Variants in ZNF596 observed in about 807,000 individuals in gnomAD.
ZNF596 encodes the protein zinc finger protein 596.
A neutral mutation model predicts 48.3 loss-of-function variants in ZNF596; 45 were observed. The observed-to-expected ratio is 0.93, with a 90% CI of 0.73 to 1.19. The LOEUF is 1.19. Ranked by LOEUF, ZNF596 falls within the 50% of genes most tolerant of loss-of-function variation. The pLI, the probability that ZNF596 is intolerant of heterozygous loss-of-function variation, is 0.00. For missense variants in ZNF596, 848 were observed against 599.7 expected, an observed-to-expected ratio of 1.41 and a Z score of -4.32; for synonymous variants, 270 against 202.0, an observed-to-expected ratio of 1.34 and a Z score of -2.85.
At chr8:244,511 T>C in intron 4 of ZNF596, 108 bp from the exon 5 acceptor site, 1 of 732,768 alleles carries the variant, frequency 1.4e-6, no homozygotes, top group South Asian at 1.6e-5. Context: ...TTAACATTCT[T>C]TCCCTGTCTG....
chr8:241,501 CTTA>C (rs1329388929), intron 2 of ZNF596, among the ~76,000 whole-genome samples: 1 of 152,136 alleles, frequency 6.6e-6, no homozygotes, highest in African/African-American at 2.4e-5. Flanking sequence ...AATTAAAATT[CTTA>C]TTACCCTTGT....
chr8:233,373 C>T (rs1796497012), intron 1 of ZNF596: 1 of 329,514 alleles, frequency 3.0e-6, no homozygotes, highest in Non-Finnish European at 6.2e-6. Context: ...GTGTCAGGTT[C>T]AGCTTATGAG....
chr8:246,133 A>G lies in ZNF596; in HGVS notation c.1286A>G (p.Asn429Ser), dbSNP rs771446971. The change falls in exon 6 of 6, where the codon AAT (asparagine) becomes AGT (serine). Residue 429 changes from asparagine (N) to serine (S), a missense_variant. Transcript: ENST00000398612. ...TGCCATCTATGCGGAAAAGCCTTCA[A>G]TCACTCTTCTGTCCTTAGACGACAT... ...YECHLCGKAF[N>S]HSSVLRRHER... 9 of 1,612,220 alleles carry G rather than the reference A, an allele frequency of 5.6e-6. No individual in the cohort carries two copies. Among genetic ancestry groups the G allele is most frequent in the Admixed American group, 3.3e-5 (2 of 59,930 alleles).
chr8:239,895 C>T (rs543619891), intron 1 of ZNF596, among the ~76,000 whole-genome samples: 60 of 152,298 alleles, frequency 3.9e-4, no homozygotes, highest in African/African-American at 1.4e-3. Context: ...GATCACCCCC[C>T]ATCCTAGAGC....
Position 232,692 on chromosome 8 carries a change from C to T in ZNF596, c.-75C>T. On this transcript the variant is annotated splice_region_variant and 5_prime_UTR_variant, in exon 1 of 6. Coordinates refer to ENST00000398612, the MANE Select transcript of ZNF596 (RefSeq NM_001042416.3). ...CCGCCCATCCTATCGCGCGCGGCCT[C>T]AGGTCCCGATTCGGCATGTGGCTTG... is the stretch of plus-strand genomic sequence containing the variant. 2 of 386,518 alleles carry T rather than the reference C, an allele frequency of 5.2e-6. No homozygotes were observed. Among genetic ancestry groups the T allele is most frequent in the East Asian group, 1.5e-4 (2 of 13,704 alleles). 23.9% of individuals were successfully genotyped at this position (386,518 alleles called of 1,614,324 possible).
intron 1 of ZNF596, chr8:234,693 A>G (rs180987877): frequency 6.6e-6 from 1 of 152,156 alleles, no homozygotes; most frequent in Non-Finnish European, 1.5e-5. Flanking sequence ...ACATTTCCCA[A>G]CTCACCCATA....
intron 1 of ZNF596, chr8:234,608 T>C (rs1412746817): frequency 1.3e-5 from 2 of 152,324 alleles, no homozygotes; most frequent in East Asian, 1.9e-4. Flanking sequence ...AAAGTCATGT[T>C]ATTCATTGAT....
intron 1 of ZNF596, among the ~76,000 whole-genome samples, chr8:236,307 A>G (rs1796610760): frequency 6.6e-6 from 1 of 151,386 alleles, no homozygotes; most frequent in African/African-American, 2.5e-5. Context: ...TCTTATTAGT[A>G]TTGATAATTA....
chr8:241,810 C>T (rs970845015), intron 2 of ZNF596, among the ~76,000 whole-genome samples: 1 of 152,138 alleles, frequency 6.6e-6, no homozygotes, highest in African/African-American at 2.4e-5. Flanking sequence ...AACTGACTGA[C>T]AGTTCTGCAG....
intron 1 of ZNF596, among the ~76,000 whole-genome samples, chr8:238,524 G>T (rs1377553926): frequency 6.6e-6 from 1 of 151,288 alleles, no homozygotes; most frequent in African/African-American, 2.4e-5. Flanking sequence ...TTTCTGGCTG[G>T]GTGCGGTGGC....
chr8:245,008 A>T, intron 5 of ZNF596, 146 bp from the exon 6 acceptor site: 1 of 984,534 alleles, frequency 1.0e-6, no homozygotes, highest in Middle Eastern at 3.3e-4. Flanking sequence ...ATAATATACT[A>T]CGTTTGTATA....
intron 1 of ZNF596, 64 bp from the exon 2 acceptor site, chr8:240,760 G>C: frequency 1.9e-6 from 2 of 1,078,898 alleles, no homozygotes; most frequent in Non-Finnish European, 1.4e-6. Flanking sequence ...TAGCTTTGGG[G>C]CAGATGTTAG....
rs750345843 is a variant in ZNF596 at position 240,818 on chromosome 8, G to C, written c.-72-6G>C. On this transcript the variant is annotated splice_region_variant and splice_polypyrimidine_tract_variant and intron_variant, in intron 1 of 5. Coordinates refer to ENST00000398612, the MANE Select transcript of ZNF596 (RefSeq NM_001042416.3). ...TTTTTTTGTTTTTGTTTTTGTTTTT[G>C]CTCAGATTTGTCTTCTTAGTGCTTG... 3.7e-5 allele frequency: 59 copies of C among 1,573,584 alleles called. No homozygotes were observed. The highest frequency in any genetic ancestry group is 5.1e-5 in the Non-Finnish European group (58 of 1,145,512).
At chr8:236,377 G>A (rs969032502) in intron 1 of ZNF596, among the ~76,000 whole-genome samples, 1 of 152,138 alleles carries the variant, frequency 6.6e-6, no homozygotes. Context: ...TACAGTTGCA[G>A]CTCTTTGACT....
rs1797102646 is a variant in ZNF596 at position 246,644 on chromosome 8, C to T, written c.*282C>T. ...GTTAAATAAATGGGAGAAATCACAT[C>T]ACGAAAATTCTGTGCCTGTCGTCAG... is the stretch of plus-strand genomic sequence containing the variant. On this transcript the variant is annotated 3_prime_UTR_variant, in exon 6 of 6. Coordinates refer to ENST00000398612, the MANE Select transcript of ZNF596 (RefSeq NM_001042416.3). 3.4e-6 allele frequency: 1 copy of T among 296,938 alleles called. No homozygotes were observed. The highest frequency in any genetic ancestry group is 2.2e-5 in the African/African-American group (1 of 45,898). 18.4% of individuals were successfully genotyped at this position (296,938 alleles called of 1,614,324 possible).
At chr8:234,165 A>G (rs1796534152) in intron 1 of ZNF596, among the ~76,000 whole-genome samples, 1 of 152,216 alleles carries the variant, frequency 6.6e-6, no homozygotes, top group Non-Finnish European at 1.5e-5. Flanking sequence ...GAACCAGAGA[A>G]AGAAAAAGCC....
Position 245,946 on chromosome 8 carries a change from C to G in ZNF596, c.1099C>G (p.Leu367Val), listed in dbSNP as rs778780281. 8 of 1,614,026 alleles carry G rather than the reference C, an allele frequency of 5.0e-6. No homozygotes were observed. The highest frequency in any genetic ancestry group is 6.8e-6 in the Non-Finnish European group (8 of 1,180,002). ...HNGEKPHGCH[L>V]CGKAFTESSV... ...TGGAGAGAAACCACATGGATGTCAT[C>G]TATGTGGGAAAGCATTCACTGAATC... The change falls in exon 6 of 6, where the codon CTA becomes GTA. Residue 367 changes from leucine to valine, a missense_variant. Leu to Val is a conservative substitution (Grantham distance 32). Coordinates refer to ENST00000398612, the MANE Select transcript of ZNF596 (RefSeq NM_001042416.3).
Position 240,809 on chromosome 8 carries a change from TTTG to T in ZNF596, c.-72-12_-72-10del, listed in dbSNP as rs1057254570. On this transcript the variant is annotated splice_polypyrimidine_tract_variant and intron_variant, in intron 1 of 5. Coordinates refer to ENST00000398612, the MANE Select transcript of ZNF596 (RefSeq NM_001042416.3). ...GTGTCATGGTTTTTTTGTTTTTGTT[TTTG>T]TTTTTGCTCAGATTTGTCTTCTTAG... is the stretch of plus-strand genomic sequence containing the variant. 1 of 1,564,304 alleles carries T rather than the reference TTTG, an allele frequency of 6.4e-7. No individual in the cohort carries two copies. Among genetic ancestry groups the T allele is most frequent in the African/African-American group, 1.4e-5 (1 of 73,610 alleles).
Position 245,343 on chromosome 8 carries a change from T to C in ZNF596, c.496T>C (p.Ser166Pro). 1.2e-6 allele frequency: 2 copies of C among 1,614,092 alleles called. No homozygotes were observed. Among genetic ancestry groups the C allele is most frequent in the Non-Finnish European group, 1.7e-6 (2 of 1,179,968 alleles). The change falls in exon 6 of 6, where the codon TCA (serine) becomes CCA (proline). Residue 166 changes from serine to proline, a missense_variant. Ser to Pro is a moderately conservative substitution (Grantham distance 74). Transcript: ENST00000398612. ...QHKEIHTKCK[S>P]YGSHLFDYAF... ...CAAGGAAATTCACACCAAATGTAAA[T>C]CATATGGAAGTCATCTATTTGATTA... is the stretch of plus-strand genomic sequence containing the variant.
Sources: gnomAD v4.1 joint callset for allele counts (sites outside exome capture counted in the v4.1 genomes callset) on GRCh38, gnomAD v4.1.1 for gene constraint, MANE v1.5 for transcripts, NCBI Gene and HGNC (gene_info 2026-07-23, HGNC 2026-07-21) for gene names.